LRRC57: variants seen among roughly 807,000 people sequenced by gnomAD.
LRRC57 encodes leucine-rich repeat-containing protein 57.
LRRC57 carries 14 observed loss-of-function variants against 23.1 expected under a neutral mutation model. The ratio of observed to expected loss-of-function variants is 0.61; its 90% CI spans 0.40 to 0.95. The LOEUF is 0.95. Ranked by LOEUF, LRRC57 falls within the 40% of genes least tolerant of loss-of-function variation. The pLI is 0.00. For synonymous variants in LRRC57, 106 were observed against 115.2 expected, an observed-to-expected ratio of 0.92 and a Z score of 0.51; for missense variants, 236 against 284.4, an observed-to-expected ratio of 0.83 and a Z score of 1.22.
rs61281988 is a variant in LRRC57 at position 42,539,498 on chromosome 15, A to AAAAAAAAAAAAAC, written c.*4584_*4585insGTTTTTTTTTTTT. On this transcript the variant is annotated 3_prime_UTR_variant, in exon 6 of 6. Transcript: ENST00000397130. ...GTCTCAAAAAAAAAAAAAAAAAAAA[A>AAAAAAAAAAAAAC]GAGACTTAAAAGCCAGGCAGTGGCT... 6.7e-6 allele frequency: 1 copy of AAAAAAAAAAAAAC among 148,944 alleles called. No individual in the cohort carries two copies. Among genetic ancestry groups the AAAAAAAAAAAAAC allele is most frequent in the African/African-American group, 2.5e-5 (1 of 40,750 alleles). 9.2% of individuals were successfully genotyped at this position (148,944 alleles called of 1,614,324 possible). A position where few individuals can be genotyped will look rare whatever the true frequency, so the allele number is the denominator to read the frequency against.
the LRRC57 span, among the ~76,000 whole-genome samples, chr15:42,530,106 C>T: frequency 2.0e-5 from 3 of 152,118 alleles, no homozygotes; most frequent in Non-Finnish European, 4.4e-5. Context: ...TTTTTTCTCT[C>T]CCAAATGAGT....
At chr15:42,535,921 T>A (rs1025527058), downstream of LRRC57, among the ~76,000 whole-genome samples, 8 of 152,094 alleles carry the variant, frequency 5.3e-5, no homozygotes, top group African/African-American at 1.2e-4. Flanking sequence ...TACAAAAAAA[T>A]TTTAAAATTA....
In LRRC57 at chr15:42,538,891, T is replaced by C. The variant is rs1017438056; in HGVS notation, c.*5192A>G. On this transcript the variant is annotated 3_prime_UTR_variant, in exon 6 of 6. Coordinates refer to ENST00000397130, the MANE Select transcript of LRRC57 (RefSeq NM_153260.3). ...CCTTCCAAACCAAGCTGTAAAAAAT[T>C]TGGGTGACTTGGGCCAGATGTGGTG... 1 of 152,274 alleles carries C rather than the reference T, an allele frequency of 6.6e-6. No individual in the cohort carries two copies. The highest frequency in any genetic ancestry group is 2.4e-5 in the African/African-American group (1 of 41,548). 9.4% of individuals were successfully genotyped at this position (152,274 alleles called of 1,614,324 possible).
rs1445485383 is a variant in LRRC57, at chr15:42,548,470, G to A, written c.-22-14C>T. 7 of 1,606,808 alleles carry A rather than the reference G, an allele frequency of 4.4e-6. No individual in the cohort carries two copies. The African/African-American group carries it at 9.3e-5, about 21-fold the overall frequency. Reference sequence around the variant, plus strand: ...CGGCTCAGGTCCCTGCGGGAAGGAAGCGCTGCTGTCACCGCCCAGTCCACC... The same window carrying A: ...CGGCTCAGGTCCCTGCGGGAAGGAAACGCTGCTGTCACCGCCCAGTCCACC... On this transcript the variant is annotated splice_polypyrimidine_tract_variant and intron_variant, in intron 1 of 5. Transcript: ENST00000397130.
intron 3 of LRRC57, chr15:42,547,862 C>A: frequency 1.8e-6 from 1 of 561,592 alleles, no homozygotes; most frequent in South Asian, 2.4e-5. Flanking sequence ...ACATTACATC[C>A]CCAAAATGTT....
At chr15:42,535,696 G>A (rs1456450070), downstream of LRRC57, among the ~76,000 whole-genome samples, 3 of 152,124 alleles carry the variant, frequency 2.0e-5, no homozygotes, top group African/African-American at 7.2e-5. Flanking sequence ...TTACAGGTGT[G>A]AGCCAACGCG....
chr15:42,535,073 C>A (rs7181938), downstream of LRRC57, among the ~76,000 whole-genome samples: 2 of 152,184 alleles, frequency 1.3e-5, no homozygotes, highest in Non-Finnish European at 2.9e-5. Flanking sequence ...TTCTCTCTAG[C>A]TATGGGAGTC....
chr15:42,531,808 A>G, the LRRC57 span: 1 of 190,772 alleles, frequency 5.2e-6, no homozygotes, highest in Middle Eastern at 2.0e-3. Flanking sequence ...AGCCATGAAG[A>G]AGGAAGCTGT....
In LRRC57 at chr15:42,548,725, G is replaced by A. The variant is rs767298901; in HGVS notation, c.-55C>T. The A allele has an allele frequency of 7.7e-6, 5 of 650,792 alleles. No individual in the cohort carries two copies. Among genetic ancestry groups the A allele is most frequent in the Middle Eastern group, 8.3e-4 (2 of 2,410 alleles). The allele number at this position is 650,792 out of a possible 1,614,324, so 40.3% of individuals were successfully genotyped here. On this transcript the variant is annotated 5_prime_UTR_variant, in exon 1 of 6. Transcript: ENST00000397130. ...CGCTCAGCTGCCGTAAGGCTCCGCA[G>A]GTGAAGACCCAGGACCCGCAGTAGC...
intron 4 of LRRC57, among the ~76,000 whole-genome samples, chr15:42,546,495 A>G (rs2057658744): frequency 6.6e-6 from 1 of 152,198 alleles, no homozygotes; most frequent in Non-Finnish European, 1.5e-5. Context: ...GAATTTCATC[A>G]TGATGTAAAA....
At chr15:42,544,842 C>CAATATATATATATA in intron 5 of LRRC57, among the ~76,000 whole-genome samples, 56 of 97,962 alleles carry the variant, frequency 5.7e-4, no homozygotes, top group Admixed American at 9.0e-4. Context: ...CACACACACA[C>CAATATATATATATA]TATATATATA....
At chr15:42,535,614 C>T (rs908057929), downstream of LRRC57, among the ~76,000 whole-genome samples, 1 of 151,996 alleles carries the variant, frequency 6.6e-6, no homozygotes, top group Non-Finnish European at 1.5e-5. Flanking sequence ...GGGTTTTTGC[C>T]ATGTTGGCGA....
In LRRC57 at chr15:42,539,245, A is replaced by T. The variant is rs1023402897; in HGVS notation, c.*4838T>A. ...TGTAATCCCAGCACTATGGGAAGCC[A>T]AGGCAGGGGGATCACCTGAGGCCAG... On this transcript the variant is annotated 3_prime_UTR_variant, in exon 6 of 6. Coordinates refer to ENST00000397130, the MANE Select transcript of LRRC57 (RefSeq NM_153260.3). 3.9e-5 allele frequency: 6 copies of T among 151,942 alleles called. No individual in the cohort carries two copies. Among genetic ancestry groups the T allele is most frequent in the African/African-American group, 1.2e-4 (5 of 41,340 alleles). 9.4% of individuals were successfully genotyped at this position (151,942 alleles called of 1,614,324 possible).
At chr15:42,529,649 T>C in the LRRC57 span, 1 of 1,601,738 alleles carries the variant, frequency 6.2e-7, no homozygotes, top group Non-Finnish European at 8.5e-7. Flanking sequence ...ACAAAACCTA[T>C]GGAATTAACT....
downstream of LRRC57, chr15:42,533,156 A>G (rs1451021594): frequency 6.6e-6 from 1 of 152,268 alleles, no homozygotes; most frequent in Non-Finnish European, 1.5e-5. Flanking sequence ...TAATAAAGCA[A>G]AGATCCATAC....
rs900454786 is a variant in LRRC57, at chr15:42,538,550, C to T, written c.*5533G>A. On this transcript the variant is annotated 3_prime_UTR_variant, in exon 6 of 6. Transcript: ENST00000397130. ...CTGGGACTATAGATGCCTGCCTCTG[C>T]CTGGCTCCATTTTTTTATCCTTTTA... 3.3e-5 allele frequency: 5 copies of T among 152,088 alleles called. No individual in the cohort carries two copies. Among genetic ancestry groups the T allele is most frequent in the Admixed American group, 6.6e-5 (1 of 15,250 alleles). 9.4% of individuals were successfully genotyped at this position (152,088 alleles called of 1,614,324 possible).
chr15:42,533,412 T>G (rs772140461), downstream of LRRC57, among the ~76,000 whole-genome samples: 4 of 152,186 alleles, frequency 2.6e-5, no homozygotes, highest in Non-Finnish European at 5.9e-5. Flanking sequence ...GAGGAAAATA[T>G]TTAAATAAAG....
intron 4 of LRRC57, among the ~76,000 whole-genome samples, chr15:42,546,159 C>T (rs1188931140): frequency 6.6e-6 from 1 of 152,180 alleles, no homozygotes; most frequent in African/African-American, 2.4e-5. Context: ...CAGACCATCA[C>T]TTATTAGAAA....
Position 42,547,246 on chromosome 15 carries a change from C to A in LRRC57, c.492+15G>T, listed in dbSNP as rs779033956. 9.9e-6 allele frequency: 16 copies of A among 1,610,154 alleles called. No homozygotes were observed. The highest frequency in any genetic ancestry group is 1.1e-5 in the Non-Finnish European group (13 of 1,177,876). On this transcript the variant is annotated intron_variant, in intron 4 of 5. Coordinates refer to ENST00000397130, the MANE Select transcript of LRRC57 (RefSeq NM_153260.3). ...ACACATATGCTGTAGGAAAAAAAAC[C>A]TTAAAGCTCTAGACCTGATTCTGGT...
Sources: allele counts gnomAD v4.1 joint callset (sites outside exome capture counted in the v4.1 genomes callset), GRCh38; gene constraint gnomAD v4.1.1; transcripts MANE v1.5; gene names NCBI Gene and HGNC (gene_info 2026-07-23, HGNC 2026-07-21).